Variants in HSF2BP observed in about 807,000 individuals in gnomAD.
HSF2BP encodes heat shock factor 2-binding protein.
In HSF2BP, 35 loss-of-function variants were observed where a neutral mutation model predicts 35.0. The observed-to-expected ratio is 1.00, with a 90% CI of 0.76 to 1.32. HSF2BP has a LOEUF of 1.32. Among genes scored for constraint, HSF2BP ranks in the 40% most tolerant of loss-of-function variants. The probability of loss-of-function intolerance (pLI) is 0.00; values close to 1 mark genes in which losing one functional copy is unlikely to be tolerated. For missense variants in HSF2BP, 326 were observed against 321.7 expected, an observed-to-expected ratio of 1.01 and a Z score of -0.10; for synonymous variants, 114 against 117.4, an observed-to-expected ratio of 0.97 and a Z score of 0.18.
intron 6 of HSF2BP, among the ~76,000 whole-genome samples, chr21:43,620,354 A>G (rs1205447925): frequency 6.6e-6 from 1 of 152,224 alleles, no homozygotes; most frequent in Non-Finnish European, 1.5e-5. Context: ...TAACATAGAA[A>G]AGTAATTCGG....
chr21:43,621,387 C>T (rs914939025), intron 6 of HSF2BP, among the ~76,000 whole-genome samples: 2 of 152,138 alleles, frequency 1.3e-5, no homozygotes, highest in African/African-American at 4.8e-5. Context: ...ATTAGCCAGG[C>T]GTGGTGGCAC....
intron 8 of HSF2BP, among the ~76,000 whole-genome samples, chr21:43,589,376 C>T (rs1378724241): frequency 6.6e-6 from 1 of 152,186 alleles, no homozygotes; most frequent in African/African-American, 2.4e-5. Context: ...TAAATGAAGA[C>T]ATATACTTGT....
At chr21:43,645,178 C>T (rs2082691908) in intron 3 of HSF2BP, among the ~76,000 whole-genome samples, 1 of 152,172 alleles carries the variant, frequency 6.6e-6, no homozygotes, top group Non-Finnish European at 1.5e-5. Flanking sequence ...GTGCTAAGAG[C>T]TAATGGTCTA....
At chr21:43,580,722 T>C (rs941416962) in intron 8 of HSF2BP, among the ~76,000 whole-genome samples, 5 of 152,250 alleles carry the variant, frequency 3.3e-5, no homozygotes, top group South Asian at 2.1e-4. Context: ...TTGACCAACA[T>C]AATAAAACAT....
At chr21:43,652,174 G>A (rs548504078) in intron 3 of HSF2BP, among the ~76,000 whole-genome samples, 6 of 152,220 alleles carry the variant, frequency 3.9e-5, no homozygotes, top group East Asian at 1.9e-4. Flanking sequence ...AGGCCAAGGC[G>A]GGCAGATCAC....
chr21:43,600,596 T>TTA (rs1275352657), intron 7 of HSF2BP, among the ~76,000 whole-genome samples: 1 of 152,182 alleles, frequency 6.6e-6, no homozygotes, highest in African/African-American at 2.4e-5. Flanking sequence ...TTAACAGACT[T>TTA]TAGATTCTGT....
chr21:43,635,411 T>C (rs1568931449), intron 4 of HSF2BP, among the ~76,000 whole-genome samples: 1 of 152,212 alleles, frequency 6.6e-6, no homozygotes, highest in Non-Finnish European at 1.5e-5. Flanking sequence ...AGACTAACAG[T>C]GCCTGATTTA....
At chr21:43,642,554 A>AGCTTCCCTCTGCATTCACCTTGCAGGG (rs1481891440) in intron 4 of HSF2BP, among the ~76,000 whole-genome samples, 7 of 151,904 alleles carry the variant, frequency 4.6e-5, no homozygotes, top group South Asian at 2.1e-4. Flanking sequence ...ACCTTGCAGG[A>AGCTTCCCTCTGCATTCACCTTGCAGGG]GCTTCCCTCT....
chr21:43,627,747 T>C (rs761292000), intron 6 of HSF2BP, among the ~76,000 whole-genome samples: 25 of 152,072 alleles, frequency 1.6e-4, no homozygotes, highest in Non-Finnish European at 3.7e-4. Flanking sequence ...CACTTTATTG[T>C]GCTTTGCAGA....
intron 8 of HSF2BP, among the ~76,000 whole-genome samples, chr21:43,584,934 G>A (rs2081828221): frequency 6.6e-6 from 1 of 152,078 alleles, no homozygotes; most frequent in African/African-American, 2.4e-5. Context: ...TAAGTTCTCT[G>A]TTAACCTCTC....
At chr21:43,657,968 CG>C in intron 2 of HSF2BP, 92 bp downstream of exon 2, 1 of 1,524,792 alleles carries the variant, frequency 6.6e-7, no homozygotes, top group East Asian at 2.5e-5. Context: ...CACGCGACAG[CG>C]AGCCGTCTCC....
intron 7 of HSF2BP, among the ~76,000 whole-genome samples, chr21:43,596,950 A>G (rs1427787555): frequency 6.6e-6 from 1 of 151,888 alleles, no homozygotes; most frequent in Non-Finnish European, 1.5e-5. Flanking sequence ...AGGTTTAGAC[A>G]AGGCCACATA....
intron 7 of HSF2BP, among the ~76,000 whole-genome samples, chr21:43,609,684 G>C (rs1175941644): frequency 6.6e-6 from 1 of 152,046 alleles, no homozygotes; most frequent in Non-Finnish European, 1.5e-5. Flanking sequence ...AAGTGGGGGA[G>C]GTGAAAAGAG....
At chr21:43,645,407 TG>T (rs2082695268) in intron 3 of HSF2BP, among the ~76,000 whole-genome samples, 1 of 152,174 alleles carries the variant, frequency 6.6e-6, no homozygotes, top group Non-Finnish European at 1.5e-5. Context: ...GAACTACTTC[TG>T]GGCGATAACC....
chr21:43,640,819 T>C (rs1053316245), intron 4 of HSF2BP, among the ~76,000 whole-genome samples: 9 of 151,386 alleles, frequency 5.9e-5, no homozygotes, highest in Non-Finnish European at 1.0e-4. Flanking sequence ...AAAAGCTGTA[T>C]AAATTTACTA....
chr21:43,617,230 GA>G (rs964154999), intron 6 of HSF2BP, among the ~76,000 whole-genome samples: 24 of 150,886 alleles, frequency 1.6e-4, no homozygotes, highest in South Asian at 4.2e-4. Context: ...CATCGCTGAA[GA>G]AAAAAAATAT....
chr21:43,636,204 G>GAAAGAAAAGA (rs200084779), intron 4 of HSF2BP, among the ~76,000 whole-genome samples: 1,190 of 106,896 alleles, frequency 0.011, 21 homozygotes, highest in Middle Eastern at 0.017. Flanking sequence ...AGAAAAAAAA[G>GAAAGAAAAGA]AAAGAAAAGA....
chr21:43,658,179 A>T lies in HSF2BP; in HGVS notation c.-83T>A, dbSNP rs1298297606. 10 of 1,407,622 alleles carry T rather than the reference A, an allele frequency of 7.1e-6. No individual in the cohort carries two copies. The South Asian group carries it at 1.2e-4, about 16-fold the overall frequency. 87.2% of individuals were successfully genotyped at this position (1,407,622 alleles called of 1,614,324 possible). A position where few individuals can be genotyped will look rare whatever the true frequency, so the allele number is the denominator to read the frequency against. On this transcript the variant is annotated 5_prime_UTR_variant, in exon 2 of 9. Coordinates refer to ENST00000291560, the MANE Select transcript of HSF2BP (RefSeq NM_007031.2). The stretch of plus-strand genomic sequence containing the variant: ...CGCCAGAAAGCGCGGGAACGAATCC[A>T]CGCCGGGGGTCGGGAACGGAGAGCC...
chr21:43,593,208 A>T (rs1338399906), intron 7 of HSF2BP, among the ~76,000 whole-genome samples: 1 of 152,208 alleles, frequency 6.6e-6, no homozygotes, highest in Non-Finnish European at 1.5e-5. Context: ...AGACACGGAC[A>T]TTCATTTCAC....
Sources: gnomAD v4.1 joint callset for allele counts (sites outside exome capture counted in the v4.1 genomes callset) on GRCh38, gnomAD v4.1.1 for gene constraint, MANE v1.5 for transcripts, NCBI Gene and HGNC (gene_info 2026-07-23, HGNC 2026-07-21) for gene names.